The following COL18A1 variants were observed in gnomAD, a reference collection of about 807,000 sequenced individuals.
COL18A1 encodes collagen alpha-1(XVIII) chain.
Under a neutral mutation model 168.0 loss-of-function variants are expected in COL18A1, and 133 were observed. That is an observed-to-expected ratio of 0.79 (90% CI 0.69 to 0.91). COL18A1 has a LOEUF of 0.91. COL18A1 is among the 40% of genes least tolerant of loss of function. The probability of loss-of-function intolerance (pLI) is 0.00; values close to 1 mark genes in which losing one functional copy is unlikely to be tolerated. For synonymous variants in COL18A1, 949 were observed against 809.0 expected (o/e 1.17, Z -2.94); for missense variants, 2,126 against 1,925.4 (o/e 1.10, Z -1.95).
chr21:45,475,641 C>T, intron 5 of COL18A1, 106 bp downstream of exon 5: 2 of 964,716 alleles, frequency 2.1e-6, no homozygotes, highest in South Asian at 1.4e-5. Context: ...CAAGAGCTCC[C>T]TCTATGCCAC....
At chr21:45,504,335 G>A (rs2037051425) in intron 33 of COL18A1, 81 bp from the exon 34 acceptor site, 2 of 1,449,868 alleles carry the variant, frequency 1.4e-6, no homozygotes, top group Non-Finnish European at 1.9e-6. Flanking sequence ...TGACTGCCCA[G>A]CCCTGGCTCG....
rs368600244 is a variant in COL18A1, at chr21:45,480,796, G to A, written c.1549G>A (p.Gly517Arg). 250 of 1,611,438 alleles carry A rather than the reference G, an allele frequency of 1.6e-4. No homozygotes were observed. The highest frequency in any genetic ancestry group is 2.0e-4 in the Non-Finnish European group (235 of 1,179,768). ...RFGVNSSDVP[G>R]PAGLPGVPGR... ...TGGGGTGAACAGCTCCGACGTCCCA[G>A]GACCCGCCGGCCTTCCTGGTGTGCC... The change falls in exon 13 of 42, where the codon GGA becomes AGA. Residue 517 changes from glycine to arginine, a missense_variant. By Grantham distance (125) the Gly-to-Arg change is moderately radical (BLOSUM62 -2). Transcript: ENST00000651438.
In COL18A1 at chr21:45,493,509, G is replaced by A; in HGVS notation, c.2286G>A (p.Lys762=). The A allele has an allele frequency of 6.4e-7, 1 of 1,560,676 alleles. No homozygotes were observed. Among genetic ancestry groups the A allele is most frequent in the Non-Finnish European group, 8.7e-7 (1 of 1,153,322 alleles). The change falls in exon 26 of 42, where the codon AAG becomes AAA. Residue 762 remains lysine (K), a synonymous_variant. Transcript: ENST00000651438. ...ERGSPGPKGE[K]GEPGSIFSPD... The stretch of plus-strand genomic sequence containing the variant: ...ACCTCCTGCCATTCCAGGGTGAGAA[G>A]GGTGAACCGGGCAGCATCTTCAGCC...
At chr21:45,447,934 C>T (rs779128988) in intron 2 of COL18A1, among the ~76,000 whole-genome samples, 27 of 152,130 alleles carry the variant, frequency 1.8e-4, no homozygotes, top group Admixed American at 2.6e-4. Context: ...ACAGAGGCAG[C>T]GTCTTCTGCC....
chr21:45,413,044 G>A (rs1410342475), intron 2 of COL18A1, among the ~76,000 whole-genome samples: 1 of 152,166 alleles, frequency 6.6e-6, no homozygotes, highest in Non-Finnish European at 1.5e-5. Context: ...CAGGAAGGAT[G>A]GGACATCACA....
chr21:45,487,485 A>C lies in COL18A1; in HGVS notation c.1872A>C (p.Thr624=). 2 of 1,613,116 alleles carry C rather than the reference A, an allele frequency of 1.2e-6. No homozygotes were observed. The highest frequency in any genetic ancestry group is 1.7e-6 in the Non-Finnish European group (2 of 1,179,994). The change falls in exon 17 of 42, where the codon ACA becomes ACC. Residue 624 remains threonine, a synonymous_variant. Transcript: ENST00000651438. ...MEGSGGPFWS[T]ARSADGPQGP... ...GCTCCGGGGGGCCCTTCTGGTCAAC[A>C]GCCCGAAGCGCTGATGGGCCACAGG...
rs761835450 is a variant in COL18A1 at position 45,455,674 on chromosome 21, C to A, written c.107-12568C>A. ...ATGCAGCTACCACGATCCCTGAGCC[C>A]CAGGGGCCCCTGCCTGTGCAGCCCA... On this transcript the variant is annotated intron_variant, in intron 2 of 41. Transcript: ENST00000651438. 8 of 1,613,760 alleles carry A rather than the reference C, an allele frequency of 5.0e-6. No homozygotes were observed. The East Asian group carries it at 1.8e-4, about 36-fold the overall frequency.
chr21:45,474,423 CGT>C (rs893155214), intron 4 of COL18A1, among the ~76,000 whole-genome samples: 7 of 132,548 alleles, frequency 5.3e-5, no homozygotes, highest in African/African-American at 1.9e-4. Flanking sequence ...TCTTGTGTGT[CGT>C]GTGTGTCTGT....
In COL18A1 at chr21:45,468,777, C is replaced by G. The variant is rs1263342919; in HGVS notation, c.642C>G (p.Asp214Glu). 6.3e-7 allele frequency: 1 copy of G among 1,593,602 alleles called. No homozygotes were observed. Among genetic ancestry groups the G allele is most frequent in the Non-Finnish European group, 8.5e-7 (1 of 1,175,628 alleles). Residue 214 changes from aspartate to glutamate, a missense_variant, in exon 3 of 42, where the codon GAC becomes GAG. Asp to Glu is a conservative substitution (Grantham distance 45). Transcript: ENST00000651438. Reference sequence around the variant, plus strand: ...CTCAGGCGGGGGGAGCGGACCCTGACAAGTTCCAGGTAACCCCCACTGTGC... The same window carrying G: ...CTCAGGCGGGGGGAGCGGACCCTGAGAAGTTCCAGGTAACCCCCACTGTGC... ...FVAQAGGADP[D>E]KFQGVIAELK...
In COL18A1 at chr21:45,438,006, G is replaced by GCA. The variant is rs539516248; in HGVS notation, c.107-30226_107-30225dup. Among the ~76,000 whole-genome samples, 27 of 33,602 alleles carry GCA rather than the reference G, an allele frequency of 8.0e-4. 1 individual carries two copies. Among genetic ancestry groups the GCA allele is most frequent in the African/African-American group, 2.9e-3 (16 of 5,462 alleles). The allele number at this position is 33,602 out of a possible 152,430, so 22.0% of individuals were successfully genotyped here. A position where few individuals can be genotyped will look rare whatever the true frequency, so the allele number is the denominator to read the frequency against. On this transcript the variant is annotated intron_variant, in intron 2 of 41. Transcript: ENST00000651438. The stretch of plus-strand genomic sequence containing the variant: ...CACTCAGACACACAGGCACTCTCCT[G>GCA]CACACACACACTCACTCACACACAG...
rs1368910937 is a variant in COL18A1, at chr21:45,438,056, ACT to A, written c.107-30184_107-30183del. 2.3e-4 allele frequency among the ~76,000 whole-genome samples: 29 copies of A among 128,772 alleles called. 2 individuals are homozygous for A. Among genetic ancestry groups the A allele is most frequent in the Non-Finnish European group, 3.8e-4 (24 of 63,026 alleles). 84.5% of individuals were successfully genotyped at this position (128,772 alleles called of 152,430 possible). A position where few individuals can be genotyped will look rare whatever the true frequency, so the allele number is the denominator to read the frequency against. ...GACACACAGGCACTCTCCTGCACAC[ACT>A]CACACTCACACTCAGACAAGCACTC... On this transcript the variant is annotated intron_variant, in intron 2 of 41. Coordinates refer to ENST00000651438, the MANE Select transcript of COL18A1 (RefSeq NM_001379500.1).
At chr21:45,440,794 G>C (rs768544012) in intron 2 of COL18A1, among the ~76,000 whole-genome samples, 9 of 152,192 alleles carry the variant, frequency 5.9e-5, no homozygotes, top group Non-Finnish European at 1.0e-4. Context: ...TGGAAATGTC[G>C]ATGCCGGACT....
Position 45,498,401 on chromosome 21 carries a change from G to A in COL18A1, c.2683+740G>A, listed in dbSNP as rs758940524. On this transcript the variant is annotated intron_variant, in intron 32 of 41. Coordinates refer to ENST00000651438, the MANE Select transcript of COL18A1 (RefSeq NM_001379500.1). The surrounding 1 kb of genome is among the most constrained non-coding windows in gnomAD (Gnocchi z 4.5). The stretch of plus-strand genomic sequence containing the variant: ...CCTCTCGCCGCCAGGGTCCCCTCTC[G>A]CCGCCAGGGTCCCCTCTCGCCGCCA... 3.1e-4 allele frequency: 208 copies of A among 678,068 alleles called. 1 individual carries two copies. The highest frequency in any genetic ancestry group is 2.6e-3 in the South Asian group (171 of 64,564). The allele number at this position is 678,068 out of a possible 1,614,324, so 42.0% of individuals were successfully genotyped here.
chr21:45,452,890 G>A (rs1240443068), intron 2 of COL18A1, among the ~76,000 whole-genome samples: 1 of 151,928 alleles, frequency 6.6e-6, no homozygotes, highest in Non-Finnish European at 1.5e-5. Context: ...ATTCACATGT[G>A]ACATGTGAGC....
rs2036485776 is a variant in COL18A1 at position 45,495,082 on chromosome 21, G to T, written c.2433+167G>T. 4 of 697,616 alleles carry T rather than the reference G, an allele frequency of 5.7e-6. No homozygotes were observed. The Admixed American group carries it at 7.3e-5, about 13-fold the overall frequency. 43.2% of individuals were successfully genotyped at this position (697,616 alleles called of 1,614,324 possible). ...GAGCGCAGCTCTTGTCCTGGATGTG[G>T]CTGGCAGTACCCCACGAGGGGCCAG... On this transcript the variant is annotated intron_variant, in intron 28 of 41. Transcript: ENST00000651438.
intron 22 of COL18A1, 72 bp downstream of exon 22, chr21:45,491,386 C>CG (rs1265440474): frequency 4.6e-6 from 3 of 650,766 alleles, no homozygotes; most frequent in African/African-American, 4.6e-5. Context: ...CCTCCCCGAG[C>CG]CCCCCCCACA....
At chr21:45,466,807 AGGAAGGGTGGTGGGAGGTTTCTCCAAGGT>A (rs2035230477) in intron 2 of COL18A1, among the ~76,000 whole-genome samples, 1 of 152,178 alleles carries the variant, frequency 6.6e-6, no homozygotes, top group Non-Finnish European at 1.5e-5. Context: ...GGAATGTTCT[AGGAAGGGTGGTGGGAGGTTTCTCCAAGGT>A]GAACGCGGGG....
chr21:45,479,187 G>T (rs201278242), intron 9 of COL18A1, among the ~76,000 whole-genome samples: 106 of 87,264 alleles, frequency 1.2e-3, no homozygotes, highest in East Asian at 2.6e-3. Context: ...CGTGTGTGTG[G>T]GGGGGTGAGG....
chr21:45,442,353 G>A (rs932959939), intron 2 of COL18A1, among the ~76,000 whole-genome samples: 15 of 152,224 alleles, frequency 9.9e-5, no homozygotes, highest in Non-Finnish European at 1.9e-4. Flanking sequence ...CACACGTCGT[G>A]TCTGTGGGGA....
Sources: gnomAD v4.1 joint callset for allele counts (sites outside exome capture counted in the v4.1 genomes callset) on GRCh38, gnomAD v4.1.1 for gene constraint, Gnocchi (gnomAD v3.1) non-coding constraint, MANE v1.5 for transcripts, NCBI Gene and HGNC (gene_info 2026-07-23, HGNC 2026-07-21) for gene names.